TSC22D1: variants seen among roughly 807,000 people sequenced by gnomAD.
TSC22D1 encodes the protein TSC22 domain family protein 1.
TSC22D1 carries 9 observed loss-of-function variants against 74.2 expected under a neutral mutation model. The ratio of observed to expected loss-of-function variants is 0.12; its 90% CI spans 0.07 to 0.21. TSC22D1 has a LOEUF of 0.21. Ranked by LOEUF, TSC22D1 falls within the 10% of genes least tolerant of loss-of-function variation. The probability of loss-of-function intolerance (pLI) is 1.00; values close to 1 mark genes in which losing one functional copy is unlikely to be tolerated. For missense variants in TSC22D1, 1,427 were observed against 1,304.7 expected, an observed-to-expected ratio of 1.09 and a Z score of -1.44; for synonymous variants, 586 against 492.5, an observed-to-expected ratio of 1.19 and a Z score of -2.51.
intron 1 of TSC22D1, among the ~76,000 whole-genome samples, chr13:44,445,933 T>A (rs1875597878): frequency 6.6e-6 from 1 of 152,204 alleles, no homozygotes. Context: ...ATGGTGGGAA[T>A]GAAAAATGGT....
chr13:44,574,903 C>A lies in TSC22D1; in HGVS notation c.1172G>T (p.Gly391Val). The A allele has an allele frequency of 6.2e-7, 1 of 1,614,080 alleles. No individual in the cohort carries two copies. The highest frequency in any genetic ancestry group is 8.5e-7 in the Non-Finnish European group (1 of 1,180,018). ...VPNAAAGMTG[G>V]SVSSQQQQPT... The stretch of plus-strand genomic sequence containing the variant: ...TTGTTGCTGCTGACTTGAAACCGAT[C>A]CCCCAGTCATCCCTGCAGCTGCATT... Residue 391 changes from glycine to valine, a missense_variant, in exon 1 of 3, where the codon GGA becomes GTA. By Grantham distance (109) the Gly-to-Val change is moderately radical. Around this residue, in one of 3 missense-constraint regions of TSC22D1, gnomAD observed 1,343 missense variants for 1,191.5 expected, o/e 1.13. Transcript: ENST00000458659.
chr13:44,470,425 G>T (rs939808150), intron 1 of TSC22D1, among the ~76,000 whole-genome samples: 2 of 152,110 alleles, frequency 1.3e-5, no homozygotes, highest in African/African-American at 4.8e-5. Context: ...ATAGATTCGC[G>T]TCTGGCCACA....
At chr13:44,567,025 A>T (rs896689695) in intron 1 of TSC22D1, among the ~76,000 whole-genome samples, 4 of 152,110 alleles carry the variant, frequency 2.6e-5, no homozygotes, top group African/African-American at 9.7e-5. Flanking sequence ...AATCCCAAGA[A>T]AAAAAAAGGA....
rs540645698 is a variant in TSC22D1, at chr13:44,432,701, G to T, written c.*1925C>A. ...TGAATGATTCAGAAAGTTTGTCCTT[G>T]TTCTGCAAGGACTTAAGACAAGCCT... is the stretch of plus-strand genomic sequence containing the variant. On this transcript the variant is annotated 3_prime_UTR_variant, in exon 3 of 3. Transcript: ENST00000458659. The T allele has an allele frequency of 2.0e-5, 3 of 149,624 alleles. No individual in the cohort carries two copies. The South Asian group carries it at 6.3e-4, about 31-fold the overall frequency. 9.3% of individuals were successfully genotyped at this position (149,624 alleles called of 1,614,324 possible). A position where few individuals can be genotyped will look rare whatever the true frequency, so the allele number is the denominator to read the frequency against.
chr13:44,521,763 GAA>G (rs1880330626), intron 1 of TSC22D1, among the ~76,000 whole-genome samples: 1 of 150,950 alleles, frequency 6.6e-6, no homozygotes, highest in African/African-American at 2.4e-5. Flanking sequence ...GGAAGAATCC[GAA>G]AGATTTTTCT....
intron 1 of TSC22D1, among the ~76,000 whole-genome samples, chr13:44,465,634 AAAC>A (rs1206004769): frequency 2.6e-5 from 4 of 152,220 alleles, no homozygotes; most frequent in Admixed American, 2.0e-4. Flanking sequence ...GAAATTTTCT[AAAC>A]AACAACAAAG....
At chr13:44,549,871 A>C (rs532096522) in intron 1 of TSC22D1, among the ~76,000 whole-genome samples, 1 of 152,188 alleles carries the variant, frequency 6.6e-6, no homozygotes, top group East Asian at 1.9e-4. Flanking sequence ...CTGGTAGTTG[A>C]TTTCTATACA....
intron 1 of TSC22D1, among the ~76,000 whole-genome samples, chr13:44,479,529 T>C (rs2137928537): frequency 6.6e-6 from 1 of 152,274 alleles, no homozygotes; most frequent in Admixed American, 6.5e-5. Flanking sequence ...ATTATTGACT[T>C]GTATATCGTA....
At position 44,574,437 on chromosome 13, in the gene TSC22D1, T is replaced by C. The variant is rs373396313; in HGVS notation, c.1638A>G (p.Gln546=). 1.2e-4 allele frequency: 192 copies of C among 1,614,122 alleles called. No individual in the cohort carries two copies. Among genetic ancestry groups the C allele is most frequent in the Non-Finnish European group, 1.6e-4 (184 of 1,180,042 alleles). The change falls in exon 1 of 3, where the codon CAA becomes CAG. Residue 546 remains glutamine (Q), a synonymous_variant. Coordinates refer to ENST00000458659, the MANE Select transcript of TSC22D1 (RefSeq NM_183422.4). The part of the protein sequence containing the change: ...PQSISQSQIS[Q]VQLQSQELSY... ...TCAGTTCTTGAGACTGTAATTGTAC[T>C]TGTGAGATCTGTGACTGAGAAATAC...
At chr13:44,478,257 C>T (rs893055499) in intron 1 of TSC22D1, among the ~76,000 whole-genome samples, 17 of 152,078 alleles carry the variant, frequency 1.1e-4, no homozygotes, top group African/African-American at 3.9e-4. Context: ...ACTTACATTT[C>T]TGTATGTTTT....
At chr13:44,453,823 G>A (rs936441771) in intron 1 of TSC22D1, among the ~76,000 whole-genome samples, 2 of 152,130 alleles carry the variant, frequency 1.3e-5, no homozygotes, top group African/African-American at 2.4e-5. Context: ...AGTATTACAC[G>A]TATGTTTCTA....
chr13:44,548,287 C>T (rs1426780497), intron 1 of TSC22D1, among the ~76,000 whole-genome samples: 2 of 152,216 alleles, frequency 1.3e-5, no homozygotes, highest in Non-Finnish European at 2.9e-5. Context: ...GAGGCTGAGG[C>T]AGGCCGATCA....
chr13:44,506,919 T>G (rs1484826001), intron 1 of TSC22D1, among the ~76,000 whole-genome samples: 1 of 152,200 alleles, frequency 6.6e-6, no homozygotes, highest in East Asian at 1.9e-4. Context: ...ACACAGTGCC[T>G]GCTGTGTATC....
chr13:44,481,673 T>C (rs1272492797), intron 1 of TSC22D1, among the ~76,000 whole-genome samples: 1 of 152,184 alleles, frequency 6.6e-6, no homozygotes, highest in Non-Finnish European at 1.5e-5. Flanking sequence ...GAAGGCTGGA[T>C]ATATCTACAG....
rs555196544 is a variant in TSC22D1 at position 44,450,772 on chromosome 13, C to T, written c.2913-14677G>A. ...GGCAGTGGGAAATACGGTTTTGGAA[C>T]TCAGGTGGGGTTGGGCATAAGAAAA... is the stretch of plus-strand genomic sequence containing the variant. On this transcript the variant is annotated intron_variant, in intron 1 of 2. Coordinates refer to ENST00000458659, the MANE Select transcript of TSC22D1 (RefSeq NM_183422.4). Among the ~76,000 whole-genome samples the T allele has an allele frequency of 9.2e-5, 14 of 152,266 alleles. No homozygotes were observed. In the East Asian group the frequency reaches 1.2e-3, roughly 13 times the overall value.
At chr13:44,484,580 G>T (rs1445220598) in intron 1 of TSC22D1, among the ~76,000 whole-genome samples, 1 of 152,196 alleles carries the variant, frequency 6.6e-6, no homozygotes, top group Non-Finnish European at 1.5e-5. Flanking sequence ...GTTGGAGAAG[G>T]CAGGAAATGA....
chr13:44,439,419 A>G lies in TSC22D1; in HGVS notation c.2913-3324T>C, dbSNP rs575416480. ...AGACATAATTTGAAAAAGAAGGCAA[A>G]GGAAATGGAAAGCTCCATGGAGGGA... On this transcript the variant is annotated intron_variant, in intron 1 of 2. Transcript: ENST00000458659. 3.9e-5 allele frequency among the ~76,000 whole-genome samples: 6 copies of G among 152,386 alleles called. No homozygotes were observed. The South Asian group carries it at 1.2e-3, about 32-fold the overall frequency.
intron 1 of TSC22D1, among the ~76,000 whole-genome samples, chr13:44,564,199 T>C (rs766891894): frequency 7.9e-5 from 12 of 152,198 alleles, no homozygotes; most frequent in Admixed American, 7.9e-4. Flanking sequence ...AGATTTCTTA[T>C]GACAATATTA....
intron 1 of TSC22D1, among the ~76,000 whole-genome samples, chr13:44,552,469 C>A (rs774615180): frequency 1.3e-5 from 2 of 152,170 alleles, no homozygotes; most frequent in Non-Finnish European, 2.9e-5. Flanking sequence ...AACTTATGTA[C>A]AAGATTTCCG....
Sources: allele counts gnomAD v4.1 joint callset (sites outside exome capture counted in the v4.1 genomes callset), GRCh38; gene constraint gnomAD v4.1.1; regional missense constraint gnomAD v4.1.1; transcripts MANE v1.5; gene names NCBI Gene and HGNC (gene_info 2026-07-23, HGNC 2026-07-21).